Variants in MAP2K5 observed in about 807,000 individuals in gnomAD.
MAP2K5 encodes mitogen-activated protein kinase kinase 5.
In MAP2K5, 49 loss-of-function variants were observed where a neutral mutation model predicts 83.1. The ratio of observed to expected loss-of-function variants is 0.59; its 90% confidence interval spans 0.47 to 0.75. The LOEUF (loss-of-function observed/expected upper bound fraction) is 0.75. MAP2K5 is among the 30% of genes least tolerant of loss of function. The probability of loss-of-function intolerance (pLI) is 0.00; values close to 1 mark genes in which losing one functional copy is unlikely to be tolerated. For synonymous variants in MAP2K5, 202 were observed against 191.8 expected (o/e 1.05, Z -0.44); for missense variants, 457 against 557.5 (o/e 0.82, Z 1.82).
Position 67,552,081 on chromosome 15 carries a change from C to T in MAP2K5, c.184+1999C>T, listed in dbSNP as rs184489070. ...GGCCTGAGGCTTGGGTTGGTGGGGG[C>T]GGGAGGGGGTGGATGAATGATCACA... On this transcript the variant is annotated intron_variant, in intron 2 of 21. Transcript: ENST00000178640. The surrounding 1 kb of genome is among the most constrained non-coding windows in gnomAD (Gnocchi z 4.2). Among the ~76,000 whole-genome samples, 8 of 122,834 alleles carry T rather than the reference C, an allele frequency of 6.5e-5. No homozygotes were observed. The South Asian group carries it at 1.5e-3, about 23-fold the overall frequency. 80.6% of individuals were successfully genotyped at this position (122,834 alleles called of 152,430 possible).
intron 14 of MAP2K5, among the ~76,000 whole-genome samples, chr15:67,693,309 T>C (rs1443147459): frequency 6.6e-6 from 1 of 152,260 alleles, no homozygotes; most frequent in Non-Finnish European, 1.5e-5. Context: ...CTATAAACTG[T>C]AATGCTGTGC....
intron 1 of MAP2K5, among the ~76,000 whole-genome samples, chr15:67,546,817 C>T (rs1463729736): frequency 6.6e-6 from 1 of 152,096 alleles, no homozygotes; most frequent in Non-Finnish European, 1.5e-5. Flanking sequence ...GTAATGCCAA[C>T]ACTTTGGGAG....
chr15:67,638,167 C>T lies in MAP2K5; in HGVS notation c.585+7240C>T, dbSNP rs924538736. 1.3e-5 allele frequency among the ~76,000 whole-genome samples: 2 copies of T among 151,998 alleles called. No individual in the cohort carries two copies. Among genetic ancestry groups the T allele is most frequent in the African/African-American group, 4.8e-5 (2 of 41,364 alleles). ...GTTTGTTGTACAGATTATTTTGTCACCCAGGTATTAAGCCTAGTACCTATT... is the reference window on the plus strand; with the variant it reads ...GTTTGTTGTACAGATTATTTTGTCATCCAGGTATTAAGCCTAGTACCTATT... On this transcript the variant is annotated intron_variant, in intron 9 of 21. Coordinates refer to ENST00000178640, the MANE Select transcript of MAP2K5 (RefSeq NM_145160.3). The surrounding 1 kb of genome is among the most constrained non-coding windows in gnomAD (Gnocchi z 4.5).
intron 17 of MAP2K5, among the ~76,000 whole-genome samples, chr15:67,737,664 G>A (rs992680302): frequency 2.6e-5 from 4 of 151,980 alleles, no homozygotes; most frequent in African/African-American, 9.7e-5. Context: ...ACCACGAGGA[G>A]CTAGGAAAGG....
chr15:67,580,252 G>A (rs1259027514), intron 3 of MAP2K5, among the ~76,000 whole-genome samples: 1 of 152,134 alleles, frequency 6.6e-6, no homozygotes. Flanking sequence ...TGTTAATCCT[G>A]TCATCTTTGG....
intron 8 of MAP2K5, among the ~76,000 whole-genome samples, chr15:67,614,068 A>G (rs1380579536): frequency 2.6e-5 from 4 of 152,204 alleles, no homozygotes; most frequent in African/African-American, 4.8e-5. Flanking sequence ...TAGAGGATCT[A>G]GAAGCAACCA....
chr15:67,654,280 G>A (rs187831049), intron 11 of MAP2K5, among the ~76,000 whole-genome samples: 1 of 152,044 alleles, frequency 6.6e-6, no homozygotes, highest in African/African-American at 2.4e-5. Flanking sequence ...ATTAGAAAAT[G>A]TCTTTGTCTC....
chr15:67,659,591 C>T (rs1210748893), intron 12 of MAP2K5, among the ~76,000 whole-genome samples: 4 of 152,010 alleles, frequency 2.6e-5, no homozygotes, highest in East Asian at 1.9e-4. Flanking sequence ...AATTTGAGTA[C>T]TTAAATCACT....
chr15:67,675,678 A>C (rs190964029), intron 13 of MAP2K5, among the ~76,000 whole-genome samples: 13 of 152,350 alleles, frequency 8.5e-5, no homozygotes, highest in African/African-American at 3.1e-4. Flanking sequence ...TAGTTATCTC[A>C]AAATTAAAAG....
chr15:67,551,461 T>A (rs1412190196), intron 2 of MAP2K5, among the ~76,000 whole-genome samples: 1 of 152,102 alleles, frequency 6.6e-6, no homozygotes, highest in African/African-American at 2.4e-5. Flanking sequence ...GCCTCCCAAG[T>A]AACTGGGACT....
At chr15:67,591,159 A>G (rs1424117442) in intron 6 of MAP2K5, among the ~76,000 whole-genome samples, 6 of 151,970 alleles carry the variant, frequency 3.9e-5, no homozygotes, top group Non-Finnish European at 5.9e-5. Context: ...AGCCTGGCCA[A>G]CATGGTGAAA....
rs771045213 is a variant in MAP2K5 at position 67,565,886 on chromosome 15, A to C, written c.252+2536A>C. On this transcript the variant is annotated intron_variant, in intron 3 of 21. Transcript: ENST00000178640. This position sits in a 1 kb window ranked among gnomAD's most constrained non-coding sequence, Gnocchi z 4.1. ...CAGCCTCCCAAGGTGCTGGAATTACAGGCGTGAGCCAAGGTGCCTGGCCAG... is the reference window on the plus strand; with the variant it reads ...CAGCCTCCCAAGGTGCTGGAATTACCGGCGTGAGCCAAGGTGCCTGGCCAG... 3.3e-5 allele frequency among the ~76,000 whole-genome samples: 5 copies of C among 152,200 alleles called. No homozygotes were observed. Among genetic ancestry groups the C allele is most frequent in the Non-Finnish European group, 5.9e-5 (4 of 68,028 alleles).
intron 3 of MAP2K5, among the ~76,000 whole-genome samples, chr15:67,570,376 C>A (rs1173929352): frequency 6.6e-6 from 1 of 152,216 alleles, no homozygotes; most frequent in Non-Finnish European, 1.5e-5. Flanking sequence ...TCTTTCTCAT[C>A]ATCTAATCAA....
chr15:67,639,529 T>C (rs2086668486), intron 9 of MAP2K5, among the ~76,000 whole-genome samples: 1 of 152,186 alleles, frequency 6.6e-6, no homozygotes, highest in Non-Finnish European at 1.5e-5. Flanking sequence ...TAGGTAGTCT[T>C]GTTCTAAGTG....
chr15:67,772,000 C>T (rs1267533294), intron 20 of MAP2K5, among the ~76,000 whole-genome samples: 2 of 152,190 alleles, frequency 1.3e-5, no homozygotes, highest in Admixed American at 1.3e-4. Context: ...TAGCTAAGTA[C>T]ATGTTACAGC....
chr15:67,744,737 A>T (rs968240684), intron 17 of MAP2K5, among the ~76,000 whole-genome samples: 1 of 152,228 alleles, frequency 6.6e-6, no homozygotes, highest in African/African-American at 2.4e-5. Context: ...CATTGGCTAA[A>T]TAGTTGAGGA....
chr15:67,680,189 T>A (rs2087783220), intron 13 of MAP2K5, among the ~76,000 whole-genome samples: 1 of 152,216 alleles, frequency 6.6e-6, no homozygotes, highest in South Asian at 2.1e-4. Flanking sequence ...TATTCCATTG[T>A]ATGGATATAT....
chr15:67,581,750 T>C (rs756482102), intron 4 of MAP2K5, among the ~76,000 whole-genome samples: 2 of 152,212 alleles, frequency 1.3e-5, no homozygotes, highest in Non-Finnish European at 2.9e-5. Flanking sequence ...ACCAGTAGGC[T>C]CCTATTTGCA....
At chr15:67,753,915 G>A (rs562112479) in intron 19 of MAP2K5, among the ~76,000 whole-genome samples, 1 of 152,316 alleles carries the variant, frequency 6.6e-6, no homozygotes, top group South Asian at 2.1e-4. Flanking sequence ...AACATTCATA[G>A]CGGCATTATT....
Sources: allele counts gnomAD v4.1 joint callset (sites outside exome capture counted in the v4.1 genomes callset), GRCh38; gene constraint gnomAD v4.1.1; non-coding constraint Gnocchi (gnomAD v3.1); transcripts MANE v1.5; gene names NCBI Gene and HGNC (gene_info 2026-07-23, HGNC 2026-07-21).